The following PDE2A variants were observed in gnomAD, a reference collection of about 807,000 sequenced individuals.
PDE2A encodes cGMP-dependent 3',5'-cyclic phosphodiesterase.
PDE2A carries 53 observed loss-of-function variants against 133.6 expected under a neutral mutation model. That is an observed-to-expected ratio of 0.40 (90% confidence interval 0.32 to 0.50). The LOEUF (loss-of-function observed/expected upper bound fraction) is 0.50. Ranked by LOEUF, PDE2A falls within the 20% of genes least tolerant of loss-of-function variation. The pLI is 0.73. For missense variants in PDE2A, 796 were observed against 1,232.4 expected (o/e 0.65, Z 5.30); for synonymous variants, 491 against 490.2 (o/e 1.00, Z -0.02).
intron 2 of PDE2A, among the ~76,000 whole-genome samples, chr11:72,626,201 T>C (rs1178582846): frequency 1.3e-5 from 2 of 152,258 alleles, no homozygotes; most frequent in African/African-American, 2.4e-5. Flanking sequence ...GCTTCTTTGA[T>C]GGCAGGACCT....
intron 6 of PDE2A, among the ~76,000 whole-genome samples, chr11:72,595,618 T>C (rs915374430): frequency 1.3e-5 from 2 of 152,080 alleles, no homozygotes; most frequent in African/African-American, 2.4e-5. Context: ...TTAATTCCAT[T>C]TTAATGAGCT....
chr11:72,605,097 G>A, intron 4 of PDE2A, 41 bp downstream of exon 4: 2 of 1,303,560 alleles, frequency 1.5e-6, no homozygotes, highest in Non-Finnish European at 2.2e-6. Context: ...GAGAATCCTT[G>A]GCCATGCAAG....
intron 1 of PDE2A, among the ~76,000 whole-genome samples, chr11:72,668,625 A>C (rs779428685): frequency 6.6e-6 from 1 of 152,264 alleles, no homozygotes; most frequent in African/African-American, 2.4e-5. Context: ...GATTTGGATC[A>C]AAAGAGGCAG....
intron 23 of PDE2A, 73 bp from the exon 24 acceptor site, chr11:72,581,046 G>C: frequency 9.6e-7 from 1 of 1,037,142 alleles, no homozygotes; most frequent in Admixed American, 1.8e-5. Flanking sequence ...CAAGAGGACA[G>C]ACAGGAGATG....
chr11:72,603,832 T>C (rs1314173579), intron 4 of PDE2A, among the ~76,000 whole-genome samples: 1 of 151,880 alleles, frequency 6.6e-6, no homozygotes, highest in Non-Finnish European at 1.5e-5. Context: ...AATGGGAAGG[T>C]GGCTATCAGA....
chr11:72,652,424 T>G, intron 1 of PDE2A: 1 of 446,892 alleles, frequency 2.2e-6, no homozygotes, highest in African/African-American at 2.0e-5. Flanking sequence ...GCCTGGCTGC[T>G]TCTGGCAGAA....
chr11:72,642,376 T>A, intron 1 of PDE2A, 50 bp from the exon 2 acceptor site: 1 of 1,337,074 alleles, frequency 7.5e-7, no homozygotes, highest in Non-Finnish European at 9.7e-7. Context: ...ACCAGGACCA[T>A]GCTCGCAGCC....
At chr11:72,659,664 G>C (rs2135456417) in intron 1 of PDE2A, among the ~76,000 whole-genome samples, 1 of 152,228 alleles carries the variant, frequency 6.6e-6, no homozygotes, top group South Asian at 2.1e-4. Context: ...GGGGTTTATG[G>C]CCTCTGGTTG....
In PDE2A at chr11:72,590,173, C is replaced by G. The variant is rs138650785; in HGVS notation, c.756+19G>C. ...GGAGACAGGACGGGGAGGTGGCCGG[C>G]AGGGGCGCAGGGACTCACGTATTGG... is the stretch of plus-strand genomic sequence containing the variant. On this transcript the variant is annotated intron_variant, in intron 9 of 30. Transcript: ENST00000334456. The surrounding 1 kb of genome is among the most constrained non-coding windows in gnomAD (Gnocchi z 4.8). 9.8e-4 allele frequency: 1,506 copies of G among 1,542,508 alleles called. 10 individuals are homozygous for G. The African/African-American group carries it at 0.018, about 19-fold the overall frequency.
chr11:72,627,649 G>C (rs1030119138), intron 2 of PDE2A, among the ~76,000 whole-genome samples: 1 of 152,230 alleles, frequency 6.6e-6, no homozygotes, highest in Non-Finnish European at 1.5e-5. Context: ...GCCCTGCCAA[G>C]GGGTGTGGTC....
At chr11:72,626,162 G>A (rs188230239) in intron 2 of PDE2A, among the ~76,000 whole-genome samples, 4 of 152,352 alleles carry the variant, frequency 2.6e-5, no homozygotes, top group African/African-American at 4.8e-5. Context: ...ATAAGTCCCC[G>A]GTGCTTTATG....
rs1245135375 is a variant in PDE2A, at chr11:72,674,382, G to A, written c.-175C>T. On this transcript the variant is annotated 5_prime_UTR_variant, in exon 1 of 31. Transcript: ENST00000334456. ...CCAGCTCTGCTGCCCCGCTGCTCCCGCCTCTCCCGCTGCCACTGCCTCTGC... is the reference window on the plus strand; with the variant it reads ...CCAGCTCTGCTGCCCCGCTGCTCCCACCTCTCCCGCTGCCACTGCCTCTGC... 12 of 593,340 alleles carry A rather than the reference G, an allele frequency of 2.0e-5. 1 individual carries two copies. Among genetic ancestry groups the A allele is most frequent in the South Asian group, 4.3e-5 (2 of 47,010 alleles). The allele number at this position is 593,340 out of a possible 1,614,324, so 36.8% of individuals were successfully genotyped here. A position where few individuals can be genotyped will look rare whatever the true frequency, so the allele number is the denominator to read the frequency against.
In PDE2A at chr11:72,590,553, C is replaced by A; in HGVS notation, c.577G>T (p.Val193Phe). 2 of 1,401,778 alleles carry A rather than the reference C, an allele frequency of 1.4e-6. No homozygotes were observed. Among genetic ancestry groups the A allele is most frequent in the Non-Finnish European group, 1.8e-6 (2 of 1,083,708 alleles). 86.8% of individuals were successfully genotyped at this position (1,401,778 alleles called of 1,614,324 possible). The part of the protein sequence containing the change: ...HTLVALRRVQ[V>F]LQQRGPREAP... ...TCCCTGGGCCCGCGCTGCTGCAGGA[C>A]CTGCACCCTCCGCAGGGCGACCAGG... is the stretch of plus-strand genomic sequence containing the variant. The change falls in exon 8 of 31, where the codon GTC becomes TTC. Residue 193 changes from valine (V) to phenylalanine (F), a missense_variant. Transcript: ENST00000334456. The surrounding 1 kb of genome is among the most constrained non-coding windows in gnomAD (Gnocchi z 4.8).
At chr11:72,650,972 CAAG>C (rs1191994411) in intron 1 of PDE2A, among the ~76,000 whole-genome samples, 1 of 151,354 alleles carries the variant, frequency 6.6e-6, no homozygotes, top group Non-Finnish European at 1.5e-5. Context: ...GATACCAAGG[CAAG>C]AAGGTCTAAG....
chr11:72,612,960 A>G (rs918473841), intron 2 of PDE2A, among the ~76,000 whole-genome samples: 3 of 152,140 alleles, frequency 2.0e-5, no homozygotes, highest in African/African-American at 7.2e-5. Flanking sequence ...TTATCTGGGG[A>G]GAGGAGAGGG....
chr11:72,662,643 C>G (rs1204593250), intron 1 of PDE2A, among the ~76,000 whole-genome samples: 1 of 152,126 alleles, frequency 6.6e-6, no homozygotes, highest in Non-Finnish European at 1.5e-5. Flanking sequence ...TCTAGAGCTG[C>G]CACACACCTG....
Position 72,597,699 on chromosome 11 carries a change from T to G in PDE2A, c.324-80A>C, listed in dbSNP as rs1856551319. 1.1e-6 allele frequency: 1 copy of G among 910,456 alleles called. No individual in the cohort carries two copies. The highest frequency in any genetic ancestry group is 1.7e-6 in the Non-Finnish European group (1 of 572,746). 56.4% of individuals were successfully genotyped at this position (910,456 alleles called of 1,614,324 possible). On this transcript the variant is annotated intron_variant, in intron 4 of 30. Coordinates refer to ENST00000334456, the MANE Select transcript of PDE2A (RefSeq NM_002599.5). The surrounding 1 kb of genome is among the most constrained non-coding windows in gnomAD (Gnocchi z 4.6). The stretch of plus-strand genomic sequence containing the variant: ...GCCTGGCCTGGGAACACAGGACAGT[T>G]TGGACCCTGCACATGTGCAAGGATC...
At chr11:72,667,225 C>A (rs925028814) in intron 1 of PDE2A, among the ~76,000 whole-genome samples, 1 of 152,210 alleles carries the variant, frequency 6.6e-6, no homozygotes, top group Admixed American at 6.5e-5. Context: ...ATATGCACAA[C>A]TGGAAGCTCA....
intron 4 of PDE2A, among the ~76,000 whole-genome samples, chr11:72,601,588 G>C (rs1159554837): frequency 6.6e-6 from 1 of 152,094 alleles, no homozygotes; most frequent in Non-Finnish European, 1.5e-5. Context: ...GTGGGCGGTG[G>C]GTGCTTCAGT....
Sources: gnomAD v4.1 joint callset for allele counts (sites outside exome capture counted in the v4.1 genomes callset) on GRCh38, gnomAD v4.1.1 for gene constraint, Gnocchi (gnomAD v3.1) non-coding constraint, MANE v1.5 for transcripts, NCBI Gene and HGNC (gene_info 2026-07-23, HGNC 2026-07-21) for gene names.